Variants in LMO2 observed in about 807,000 individuals in gnomAD.
The protein encoded by LMO2 is LIM domain only 2, also known as rhombotin-2.
A neutral mutation model predicts 23.2 loss-of-function variants in LMO2; 20 were observed. The ratio of observed to expected loss-of-function variants is 0.86; its 90% confidence interval spans 0.61 to 1.25. The LOEUF (loss-of-function observed/expected upper bound fraction) is 1.25, where lower values mean the gene tolerates loss of function less well. Among genes scored for constraint, LMO2 ranks in the 50% most tolerant of loss-of-function variants. LMO2 has a pLI of 0.00. For synonymous variants in LMO2, 123 were observed against 130.2 expected (o/e 0.94, Z 0.38); for missense variants, 270 against 315.3 (o/e 0.86, Z 1.09).
chr11:33,888,637 C>G (rs576492888), intron 1 of LMO2, among the ~76,000 whole-genome samples: 1 of 152,246 alleles, frequency 6.6e-6, no homozygotes, highest in South Asian at 2.1e-4. Context: ...ACTAATAACC[C>G]GGGCCAGCGC....
chr11:33,868,359 T>C lies in LMO2; in HGVS notation c.248+987A>G, dbSNP rs138191081. Among the ~76,000 whole-genome samples the C allele has an allele frequency of 1.4e-3, 213 of 152,304 alleles. 6 individuals carry two copies. The East Asian group carries it at 0.036, about 26-fold the overall frequency. ...CTTAAAAGCACAAATGGACAAGTCATTAACCAGCTCCTTTGGTCTTGTGTA... is the reference window on the plus strand; with the variant it reads ...CTTAAAAGCACAAATGGACAAGTCACTAACCAGCTCCTTTGGTCTTGTGTA... On this transcript the variant is annotated intron_variant, in intron 4 of 5. Coordinates refer to ENST00000257818, the MANE Select transcript of LMO2 (RefSeq NM_005574.4).
chr11:33,882,728 C>T (rs543374708), intron 1 of LMO2, among the ~76,000 whole-genome samples: 2 of 152,278 alleles, frequency 1.3e-5, no homozygotes, highest in South Asian at 2.1e-4. Flanking sequence ...TGATCTTATT[C>T]AATCCTGATA....
chr11:33,870,417 AC>A, intron 2 of LMO2: 1 of 985,570 alleles, frequency 1.0e-6, no homozygotes, highest in Non-Finnish European at 1.2e-6. Context: ...GACGCCGTGC[AC>A]TGGGATGCCC....
At chr11:33,860,628 G>A (rs1565020743) in intron 5 of LMO2, among the ~76,000 whole-genome samples, 1 of 152,092 alleles carries the variant, frequency 6.6e-6, no homozygotes, top group South Asian at 2.1e-4. Flanking sequence ...GCCGGGTGCG[G>A]TGGTGCATGC....
intron 1 of LMO2, among the ~76,000 whole-genome samples, chr11:33,885,880 C>CT (rs35659559): frequency 0.018 from 2,608 of 147,484 alleles, 73 homozygotes; most frequent in African/African-American, 0.058. Context: ...GCTGGTACAC[C>CT]TTTTTTTTTT....
At chr11:33,882,363 C>G (rs1885524) in intron 1 of LMO2, among the ~76,000 whole-genome samples, 1 of 151,988 alleles carries the variant, frequency 6.6e-6, no homozygotes, top group Admixed American at 6.6e-5. Flanking sequence ...CTCAGAAATC[C>G]CCCATGAGTG....
At chr11:33,871,966 A>T (rs966221587) in intron 2 of LMO2, among the ~76,000 whole-genome samples, 2 of 152,142 alleles carry the variant, frequency 1.3e-5, no homozygotes, top group African/African-American at 4.8e-5. Flanking sequence ...GCAGGAATTT[A>T]AACTCCCAGT....
chr11:33,873,160 G>A (rs932930974), intron 2 of LMO2, among the ~76,000 whole-genome samples: 5 of 151,986 alleles, frequency 3.3e-5, no homozygotes, highest in Admixed American at 6.6e-5. Context: ...TATATCCTTG[G>A]GTTCCAAGAG....
chr11:33,868,214 C>T (rs1590636947), intron 4 of LMO2, among the ~76,000 whole-genome samples: 1 of 152,006 alleles, frequency 6.6e-6, no homozygotes, highest in East Asian at 1.9e-4. Flanking sequence ...AGGGTAAAAC[C>T]CAGGTAAATA....
intron 1 of LMO2, among the ~76,000 whole-genome samples, chr11:33,882,615 G>A (rs1315798932): frequency 2.2e-4 from 34 of 152,218 alleles, no homozygotes; most frequent in Admixed American, 2.2e-3. Context: ...TCTCTTGAGT[G>A]ATTCAAACAA....
chr11:33,875,961 G>A (rs994175186), intron 2 of LMO2, among the ~76,000 whole-genome samples: 1 of 152,162 alleles, frequency 6.6e-6, no homozygotes, highest in African/African-American at 2.4e-5. Context: ...CTGCCCCCCT[G>A]TCCTTTTCTC....
intron 1 of LMO2, 57 bp from the exon 2 acceptor site, chr11:33,881,944 A>G (rs1202956777): frequency 6.6e-6 from 1 of 152,548 alleles, no homozygotes; most frequent in Non-Finnish European, 1.5e-5. Flanking sequence ...GAAAGGAGAA[A>G]GAGAGAGAAA....
intron 5 of LMO2, among the ~76,000 whole-genome samples, chr11:33,862,520 C>T (rs1856620557): frequency 6.6e-6 from 1 of 152,138 alleles, no homozygotes. Flanking sequence ...GCATGGGGGT[C>T]TCATGAATGT....
intron 1 of LMO2, among the ~76,000 whole-genome samples, chr11:33,883,948 G>C (rs1425541832): frequency 6.6e-6 from 1 of 152,146 alleles, no homozygotes; most frequent in Non-Finnish European, 1.5e-5. Flanking sequence ...AGTTGGAGGA[G>C]CTGGAGGTGC....
At chr11:33,870,654 G>T in intron 2 of LMO2, 1 of 833,262 alleles carries the variant, frequency 1.2e-6, no homozygotes, top group Non-Finnish European at 1.4e-6. Context: ...CAGTCGGCTG[G>T]TGGCGGAATC....
chr11:33,866,903 T>C (rs1453914403), intron 4 of LMO2, among the ~76,000 whole-genome samples: 2 of 152,210 alleles, frequency 1.3e-5, no homozygotes, highest in East Asian at 3.8e-4. Flanking sequence ...AGGACTGCCA[T>C]TTCCCCTTCT....
chr11:33,882,872 C>T (rs2133714552), intron 1 of LMO2, among the ~76,000 whole-genome samples: 1 of 152,302 alleles, frequency 6.6e-6, no homozygotes, highest in South Asian at 2.1e-4. Flanking sequence ...GGTCTTCTGA[C>T]TATGCCCTCA....
At chr11:33,890,239 C>A (rs944939890) in intron 1 of LMO2, among the ~76,000 whole-genome samples, 1 of 151,522 alleles carries the variant, frequency 6.6e-6, no homozygotes, top group Non-Finnish European at 1.5e-5. Flanking sequence ...GTGATAGATA[C>A]CAATAGATAT....
At chr11:33,872,963 A>G (rs1857061038) in intron 2 of LMO2, among the ~76,000 whole-genome samples, 1 of 151,980 alleles carries the variant, frequency 6.6e-6, no homozygotes, top group South Asian at 2.1e-4. Flanking sequence ...GGGTTTCACC[A>G]TGTTGGCCAG....
Sources: gnomAD v4.1 joint callset for allele counts (sites outside exome capture counted in the v4.1 genomes callset) on GRCh38, gnomAD v4.1.1 for gene constraint, MANE v1.5 for transcripts, NCBI Gene and HGNC (gene_info 2026-07-23, HGNC 2026-07-21) for gene names.